Variants in CPLANE1 observed in about 807,000 individuals in gnomAD.
The protein encoded by CPLANE1 is ciliogenesis and planar polarity effector 1.
In CPLANE1, 263 loss-of-function variants were observed where a neutral mutation model predicts 362.5. The observed-to-expected ratio is 0.73, with a 90% CI of 0.66 to 0.80. CPLANE1 has a LOEUF of 0.80. Ranked by LOEUF, CPLANE1 falls within the 30% of genes least tolerant of loss-of-function variation. The probability of loss-of-function intolerance (pLI) is 0.00; values close to 1 mark genes in which losing one functional copy is unlikely to be tolerated. For missense variants in CPLANE1, 3,461 were observed against 3,793.4 expected, an observed-to-expected ratio of 0.91 and a Z score of 2.30; for synonymous variants, 1,212 against 1,302.6, an observed-to-expected ratio of 0.93 and a Z score of 1.50.
At chr5:37,181,874 CA>C (rs1393253779) in intron 26 of CPLANE1, among the ~76,000 whole-genome samples, 1 of 151,376 alleles carries the variant, frequency 6.6e-6, no homozygotes, top group Non-Finnish European at 1.5e-5. Flanking sequence ...GGGCGGATCA[CA>C]AGGTCAGGAG....
intron 46 of CPLANE1, among the ~76,000 whole-genome samples, chr5:37,131,515 A>C (rs957333017): frequency 1.3e-5 from 2 of 151,198 alleles, no homozygotes; most frequent in African/African-American, 4.9e-5. Flanking sequence ...ACTGTATTTA[A>C]TTTTTTTTTA....
chr5:37,195,760 C>G, intron 21 of CPLANE1, 98 bp downstream of exon 21: 1 of 1,135,254 alleles, frequency 8.8e-7, no homozygotes, highest in Non-Finnish European at 1.2e-6. Flanking sequence ...AGTAAAATAT[C>G]AGAGCATATT....
the CPLANE1 span, among the ~76,000 whole-genome samples, chr5:37,086,188 G>A: frequency 3.3e-5 from 5 of 152,040 alleles, no homozygotes; most frequent in East Asian, 9.6e-4. Flanking sequence ...CTATACCCTG[G>A]AACAAATGGA....
chr5:37,166,511 T>A (rs182963589), intron 35 of CPLANE1, among the ~76,000 whole-genome samples: 9 of 152,320 alleles, frequency 5.9e-5, no homozygotes, highest in African/African-American at 2.2e-4. Context: ...GAGAAAGAGA[T>A]CACATTCTTA....
At position 37,169,038 on chromosome 5, in the gene CPLANE1, T is replaced by G; in HGVS notation, c.6986A>C (p.Gln2329Pro). 6.2e-7 allele frequency: 1 copy of G among 1,614,222 alleles called. No homozygotes were observed. The change falls in exon 34 of 53, where the codon CAA (glutamine) becomes CCA (proline). Residue 2329 changes from glutamine to proline, a missense_variant. Gln to Pro is a moderately conservative substitution (Grantham distance 76). Around this residue, in one of 2 missense-constraint regions of CPLANE1, gnomAD observed 3,380 missense variants for 3,666.1 expected, o/e 0.92. Transcript: ENST00000651892. ...QYVGQENLTP[Q>P]QDSSVFIKPE... The stretch of plus-strand genomic sequence containing the variant: ...TTTTATAAACACTGAAGAGTCCTGT[T>G]GAGGTGTCAAATTTTCTTGTCCAAC...
intron 44 of CPLANE1, chr5:37,141,772 A>G: frequency 1.0e-6 from 1 of 982,254 alleles, no homozygotes; most frequent in Non-Finnish European, 1.2e-6. Flanking sequence ...AGGACTAAAG[A>G]ATAACAGTTT....
intron 42 of CPLANE1, among the ~76,000 whole-genome samples, chr5:37,150,401 C>G (rs1453489866): frequency 6.6e-6 from 1 of 152,130 alleles, no homozygotes; most frequent in East Asian, 1.9e-4. Context: ...AAAATCTGTA[C>G]CTTCAGCCCA....
chr5:37,138,594 GA>G (rs532787316), intron 46 of CPLANE1, 125 bp downstream of exon 46: 547 of 1,041,250 alleles, frequency 5.3e-4, no homozygotes, highest in African/African-American at 1.1e-3. Context: ...AACAAAACAT[GA>G]AAAAAAAATC....
rs1444441843 is a variant in CPLANE1 at position 37,170,240 on chromosome 5, T to A, written c.6263A>T (p.Gln2088Leu). ...TTGGCTTTCCCCTAAATGCACAGACTGAGACTGCTGTACAAGTTGTTGTGT... is the reference window on the plus strand; with the variant it reads ...TTGGCTTTCCCCTAAATGCACAGACAGAGACTGCTGTACAAGTTGTTGTGT... ...PDTQQLVQQS[Q>L]SVHLGESQES... The change falls in exon 33 of 53, where the codon CAG becomes CTG. Residue 2088 changes from glutamine to leucine, a missense_variant. Around this residue, in one of 2 missense-constraint regions of CPLANE1, gnomAD observed 3,380 missense variants for 3,666.1 expected, o/e 0.92. Transcript: ENST00000651892. 1 of 1,614,164 alleles carries A rather than the reference T, an allele frequency of 6.2e-7. No individual in the cohort carries two copies. Among genetic ancestry groups the A allele is most frequent in the Non-Finnish European group, 8.5e-7 (1 of 1,179,996 alleles).
At chr5:37,213,324 T>C (rs1262713336) in intron 16 of CPLANE1, among the ~76,000 whole-genome samples, 1 of 152,138 alleles carries the variant, frequency 6.6e-6, no homozygotes, top group Non-Finnish European at 1.5e-5. Flanking sequence ...CTAAAAACTT[T>C]ATAAAGATCA....
chr5:37,164,456 G>C (rs924057016), intron 36 of CPLANE1, 129 bp from the exon 37 acceptor site: 9 of 630,598 alleles, frequency 1.4e-5, no homozygotes, highest in African/African-American at 3.7e-5. Context: ...CTAGACATAA[G>C]TATTCTATCA....
intron 34 of CPLANE1, 101 bp from the exon 35 acceptor site, chr5:37,167,314 T>C (rs1778522533): frequency 1.1e-6 from 1 of 879,728 alleles, no homozygotes; most frequent in Non-Finnish European, 1.7e-6. Context: ...TAAATTAAAC[T>C]GTGCAACAGT....
At chr5:37,225,839 G>C (rs1157269106) in intron 12 of CPLANE1, among the ~76,000 whole-genome samples, 3 of 119,016 alleles carry the variant, frequency 2.5e-5, no homozygotes, top group Non-Finnish European at 4.9e-5. Context: ...GGGGACAAGA[G>C]TGTACTCCAT....
In CPLANE1 at chr5:37,227,668, C is replaced by T. The variant is rs369204500; in HGVS notation, c.1271G>A (p.Arg424Gln). 1.8e-4 allele frequency: 276 copies of T among 1,551,224 alleles called. No homozygotes were observed. Among genetic ancestry groups the T allele is most frequent in the Non-Finnish European group, 2.2e-4 (258 of 1,146,866 alleles). The change falls in exon 10 of 53, where the codon CGA becomes CAA. Residue 424 changes from arginine (R) to glutamine (Q), a missense_variant. Physicochemically the swap from Arg to Gln is conservative, Grantham distance 43 (BLOSUM62 1). This residue lies in a region of CPLANE1 where 3,380 missense variants were observed against 3,666.1 expected (regional missense o/e 0.92). Coordinates refer to ENST00000651892, the MANE Select transcript of CPLANE1 (RefSeq NM_001384732.1). The part of the protein sequence containing the change: ...ISDGYMVTTL[R>Q]FLDSLSPSVH... ...TGATGGAGATAGGCTATCAAGAAAT[C>T]GAAGGGTTGTGACCATATATCCATC...
intron 18 of CPLANE1, among the ~76,000 whole-genome samples, chr5:37,203,772 C>A (rs959643188): frequency 6.6e-6 from 1 of 152,178 alleles, no homozygotes; most frequent in African/African-American, 2.4e-5. Flanking sequence ...CTGGCCTTAG[C>A]CTCCCAAAGC....
chr5:37,144,149 C>T (rs945077152), intron 43 of CPLANE1, among the ~76,000 whole-genome samples: 2 of 151,616 alleles, frequency 1.3e-5, no homozygotes, highest in Non-Finnish European at 2.9e-5. Flanking sequence ...GTGGCTCACG[C>T]TTGTAATCCC....
chr5:37,099,039 T>C, the CPLANE1 span, among the ~76,000 whole-genome samples: 1 of 149,976 alleles, frequency 6.7e-6, no homozygotes, highest in African/African-American at 2.5e-5. Context: ...AGGAAAGACA[T>C]TATAAAGATC....
chr5:37,243,693 T>C (rs1378788709), intron 5 of CPLANE1, among the ~76,000 whole-genome samples: 1 of 146,900 alleles, frequency 6.8e-6, no homozygotes, highest in Non-Finnish European at 1.5e-5. Context: ...ATATAATATA[T>C]AACATATAAA....
intron 9 of CPLANE1, among the ~76,000 whole-genome samples, chr5:37,230,019 A>C (rs1346386917): frequency 2.0e-5 from 3 of 152,038 alleles, no homozygotes; most frequent in Non-Finnish European, 2.9e-5. Flanking sequence ...TCTACTAAAA[A>C]TACAAAATTA....
Sources: gnomAD v4.1 joint callset for allele counts (sites outside exome capture counted in the v4.1 genomes callset) on GRCh38, gnomAD v4.1.1 for gene constraint, gnomAD v4.1.1 regional missense constraint, MANE v1.5 for transcripts, NCBI Gene and HGNC (gene_info 2026-07-23, HGNC 2026-07-21) for gene names.